Variants in TRIM55 observed in about 807,000 individuals in gnomAD.
TRIM55 encodes the protein tripartite motif containing 55.
A neutral mutation model predicts 60.9 loss-of-function variants in TRIM55; 50 were observed. The ratio of observed to expected loss-of-function variants is 0.82; its 90% confidence interval spans 0.65 to 1.04. The LOEUF (loss-of-function observed/expected upper bound fraction) is 1.04, where lower values mean the gene tolerates loss of function less well. TRIM55 is among the 50% of genes least tolerant of loss of function. The pLI is 0.00. For synonymous variants in TRIM55, 237 were observed against 238.1 expected (o/e 1.00, Z 0.04); for missense variants, 681 against 666.9 (o/e 1.02, Z -0.23).
chr8:66,155,142 G>A (rs1339788478), intron 9 of TRIM55, among the ~76,000 whole-genome samples: 1 of 152,192 alleles, frequency 6.6e-6, no homozygotes, highest in Non-Finnish European at 1.5e-5. Flanking sequence ...GAAGCTGCCA[G>A]AAAGCACTCT....
chr8:66,148,731 G>C (rs1810238995), intron 4 of TRIM55, among the ~76,000 whole-genome samples: 2 of 152,152 alleles, frequency 1.3e-5, no homozygotes, highest in Non-Finnish European at 2.9e-5. Context: ...TATTCTTTGT[G>C]TAATAGGGAG....
In TRIM55 at chr8:66,152,417, A is replaced by G; in HGVS notation, c.1026A>G (p.Glu342=). Residue 342 remains glutamate (E), a synonymous_variant, in exon 8 of 10, where the codon GAA becomes GAG. Coordinates refer to ENST00000315962, the MANE Select transcript of TRIM55 (RefSeq NM_184085.2). The part of the protein sequence containing the change: ...DEEEEEGGEG[E]KEGEGEVGGE... ...AAGAAGAAGAAGGCGGAGAAGGAGAAAAAGAAGGAGAAGGAGAAGTGGGAG... is the reference window on the plus strand; with the variant it reads ...AAGAAGAAGAAGGCGGAGAAGGAGAGAAAGAAGGAGAAGGAGAAGTGGGAG... The G allele has an allele frequency of 6.2e-7, 1 of 1,611,532 alleles. No individual in the cohort carries two copies. Among genetic ancestry groups the G allele is most frequent in the Middle Eastern group, 1.7e-4 (1 of 6,058 alleles).
At chr8:66,134,855 G>A in intron 2 of TRIM55, 135 bp from the exon 3 acceptor site, 1 of 916,130 alleles carries the variant, frequency 1.1e-6, no homozygotes, top group Non-Finnish European at 1.6e-6. Flanking sequence ...AAGGGCCCCT[G>A]GGGGTCTTCT....
chr8:66,115,710 A>C, the TRIM55 span, among the ~76,000 whole-genome samples: 1 of 152,130 alleles, frequency 6.6e-6, no homozygotes. Context: ...AGGCTGTAAA[A>C]CCTGATGGCC....
chr8:66,153,232 T>A (rs1218453709), intron 8 of TRIM55, among the ~76,000 whole-genome samples: 1 of 152,196 alleles, frequency 6.6e-6, no homozygotes, highest in Non-Finnish European at 1.5e-5. Flanking sequence ...TTCTATGGAT[T>A]TGTCATTTGA....
At chr8:66,167,023 G>A (rs1811363795) in intron 9 of TRIM55, among the ~76,000 whole-genome samples, 1 of 152,136 alleles carries the variant, frequency 6.6e-6, no homozygotes, top group Non-Finnish European at 1.5e-5. Context: ...AGGGCGAGCC[G>A]ATCCTTCAGT....
intron 4 of TRIM55, among the ~76,000 whole-genome samples, chr8:66,140,720 C>T (rs762818769): frequency 1.4e-4 from 21 of 152,328 alleles, no homozygotes; most frequent in Middle Eastern, 6.8e-3. Flanking sequence ...ATGGTCCTAG[C>T]TTGAGAGCCT....
At chr8:66,113,437 T>C in the TRIM55 span, 3 of 449,622 alleles carry the variant, frequency 6.7e-6, no homozygotes, top group African/African-American at 6.0e-5. Context: ...CTTAGGTCGC[T>C]GGTTCGATTC....
At chr8:66,154,745 C>G (rs1371384742) in intron 9 of TRIM55, among the ~76,000 whole-genome samples, 15 of 152,234 alleles carry the variant, frequency 9.9e-5, no homozygotes. Flanking sequence ...GCTTTTGTGT[C>G]ATTCCCAGCA....
At chr8:66,129,392 G>A (rs1267707735) in intron 2 of TRIM55, among the ~76,000 whole-genome samples, 1 of 152,144 alleles carries the variant, frequency 6.6e-6, no homozygotes, top group Non-Finnish European at 1.5e-5. Context: ...TTCCATTAGG[G>A]GACACGTATT....
intron 9 of TRIM55, among the ~76,000 whole-genome samples, chr8:66,171,718 A>G (rs1025138378): frequency 3.3e-5 from 5 of 151,732 alleles, no homozygotes; most frequent in South Asian, 2.1e-4. Flanking sequence ...CATATACACA[A>G]CTCCATCTCG....
chr8:66,118,168 CAAAAAAAAAAAAAAAAA>C, the TRIM55 span, among the ~76,000 whole-genome samples: 2 of 39,892 alleles, frequency 5.0e-5, no homozygotes, highest in Non-Finnish European at 1.2e-4. Context: ...GACTCCGTCT[CAAAAAAAAAAAAAAAAA>C]AAAAAAAAAA....
chr8:66,126,024 T>C (rs1165079497), upstream of TRIM55, among the ~76,000 whole-genome samples: 1 of 152,256 alleles, frequency 6.6e-6, no homozygotes, highest in Non-Finnish European at 1.5e-5. Context: ...AAAATCCTGA[T>C]GAATGTCAGA....
At chr8:66,124,681 G>A (rs1808754188), upstream of TRIM55, among the ~76,000 whole-genome samples, 1 of 152,214 alleles carries the variant, frequency 6.6e-6, no homozygotes, top group South Asian at 2.1e-4. Flanking sequence ...GCTGGGAACT[G>A]CGTCAGGCAA....
chr8:66,163,877 G>A (rs572668587), intron 9 of TRIM55, among the ~76,000 whole-genome samples: 1 of 152,314 alleles, frequency 6.6e-6, no homozygotes, highest in South Asian at 2.1e-4. Flanking sequence ...GGAATTTTGA[G>A]ATCTTTGACT....
At chr8:66,121,630 G>A in the TRIM55 span, among the ~76,000 whole-genome samples, 90 of 152,290 alleles carry the variant, frequency 5.9e-4, 1 homozygote, top group Non-Finnish European at 2.6e-4. Flanking sequence ...CTGTTAAACT[G>A]GGTTCAAATA....
At chr8:66,159,171 A>C (rs1026439039) in intron 9 of TRIM55, among the ~76,000 whole-genome samples, 10 of 152,300 alleles carry the variant, frequency 6.6e-5, no homozygotes, top group African/African-American at 2.2e-4. Flanking sequence ...AAGTTCCCTC[A>C]TGTGTCTTTA....
the TRIM55 span, among the ~76,000 whole-genome samples, chr8:66,113,801 G>A: frequency 2.6e-5 from 4 of 152,292 alleles, no homozygotes; most frequent in East Asian, 3.9e-4. Flanking sequence ...TCAGAGCCCC[G>A]GGCAGCTTCT....
At chr8:66,113,363 C>T in the TRIM55 span, 6 of 378,234 alleles carry the variant, frequency 1.6e-5, no homozygotes, top group African/African-American at 4.2e-5. Context: ...CACACGTACA[C>T]GTCCCTTCGA....
Sources: allele counts gnomAD v4.1 joint callset (sites outside exome capture counted in the v4.1 genomes callset), GRCh38; gene constraint gnomAD v4.1.1; transcripts MANE v1.5; gene names NCBI Gene and HGNC (gene_info 2026-07-23, HGNC 2026-07-21).